GSG1L: variants seen among roughly 807,000 people sequenced by gnomAD.
GSG1L encodes GSG1 like.
In GSG1L, 24 loss-of-function variants were observed where a neutral mutation model predicts 42.1. That is an observed-to-expected ratio of 0.57 (90% CI 0.41 to 0.80). GSG1L has a LOEUF of 0.80. Among genes scored for constraint, GSG1L ranks in the 30% least tolerant of loss-of-function variants. The pLI, the probability that GSG1L is intolerant of heterozygous loss-of-function variation, is 0.00. For synonymous variants in GSG1L, 215 were observed against 203.5 expected (o/e 1.06, Z -0.48); for missense variants, 445 against 472.2 (o/e 0.94, Z 0.53).
chr16:27,935,460 A>C (rs1387095393), intron 2 of GSG1L, among the ~76,000 whole-genome samples: 1 of 152,084 alleles, frequency 6.6e-6, no homozygotes, highest in African/African-American at 2.4e-5. Flanking sequence ...CAAAATCTTA[A>C]ATGACCACTT....
At chr16:27,868,053 AC>A (rs1292029851) in intron 3 of GSG1L, among the ~76,000 whole-genome samples, 1 of 152,098 alleles carries the variant, frequency 6.6e-6, no homozygotes, top group Non-Finnish European at 1.5e-5. Context: ...TAAAATTCTT[AC>A]CTCTTCCCAC....
At chr16:27,868,192 A>G (rs1336784469) in intron 3 of GSG1L, among the ~76,000 whole-genome samples, 2 of 152,260 alleles carry the variant, frequency 1.3e-5, no homozygotes, top group Non-Finnish European at 2.9e-5. Flanking sequence ...GGCGGAATTT[A>G]AATTACTAAT....
chr16:27,993,291 G>A (rs1438073458), intron 1 of GSG1L, among the ~76,000 whole-genome samples: 2 of 152,098 alleles, frequency 1.3e-5, no homozygotes, highest in African/African-American at 4.8e-5. Context: ...CAGGACTACA[G>A]GCATGCACCA....
At chr16:27,882,612 G>T (rs1567502738) in intron 3 of GSG1L, among the ~76,000 whole-genome samples, 1 of 152,056 alleles carries the variant, frequency 6.6e-6, no homozygotes, top group Non-Finnish European at 1.5e-5. Flanking sequence ...CACCTGGAAT[G>T]CCCTCCTCAA....
chr16:27,891,629 C>T (rs1370500169), intron 2 of GSG1L, among the ~76,000 whole-genome samples: 1 of 152,024 alleles, frequency 6.6e-6, no homozygotes, highest in East Asian at 1.9e-4. Flanking sequence ...CTCACCACCA[C>T]AACCCACTAA....
Position 27,789,064 on chromosome 16 carries a change from A to G in GSG1L, c.*2306T>C, listed in dbSNP as rs2082722256. The G allele has an allele frequency of 1.3e-5, 2 of 152,302 alleles. No homozygotes were observed. Among genetic ancestry groups the G allele is most frequent in the Admixed American group, 1.3e-4 (2 of 15,286 alleles). The allele number at this position is 152,302 out of a possible 1,614,324, so 9.4% of individuals were successfully genotyped here. A position where few individuals can be genotyped will look rare whatever the true frequency, so the allele number is the denominator to read the frequency against. ...TGGTTGAGTAATGAGGATGTGTGAC[A>G]CATGGAAGGAGGATGGATGGAAGTC... On this transcript the variant is annotated 3_prime_UTR_variant, in exon 7 of 7. Transcript: ENST00000447459.
intron 2 of GSG1L, among the ~76,000 whole-genome samples, chr16:27,914,148 T>A (rs72782200): frequency 6.6e-6 from 1 of 151,922 alleles, no homozygotes; most frequent in South Asian, 2.1e-4. Flanking sequence ...TAAGTAATGA[T>A]GCAATTAGTA....
intron 5 of GSG1L, among the ~76,000 whole-genome samples, chr16:27,816,250 A>G (rs1338895740): frequency 6.6e-6 from 1 of 152,148 alleles, no homozygotes; most frequent in Non-Finnish European, 1.5e-5. Flanking sequence ...TGTCGCTGTC[A>G]TTGCCTCAGG....
intron 5 of GSG1L, among the ~76,000 whole-genome samples, chr16:27,810,797 C>T (rs1025724911): frequency 6.6e-5 from 10 of 152,096 alleles, no homozygotes; most frequent in African/African-American, 1.9e-4. Flanking sequence ...AAGCAATTCT[C>T]CTGCCTCAGC....
chr16:28,062,757 G>A (rs1024362015), intron 1 of GSG1L, among the ~76,000 whole-genome samples: 1 of 152,192 alleles, frequency 6.6e-6, no homozygotes, highest in Non-Finnish European at 1.5e-5. Flanking sequence ...AGCAGCGCGC[G>A]CCCCTCCGAC....
At chr16:27,986,493 G>A (rs10438535) in intron 1 of GSG1L, among the ~76,000 whole-genome samples, 103,687 of 146,666 alleles carry the variant, frequency 0.71, 36,790 homozygotes, top group South Asian at 0.89. Flanking sequence ...GCGACCGAGC[G>A]AGACTCCGCC....
intron 2 of GSG1L, among the ~76,000 whole-genome samples, chr16:27,891,075 G>C (rs1372576903): frequency 6.6e-6 from 1 of 152,136 alleles, no homozygotes. Flanking sequence ...GGCTGGACAT[G>C]CCGGGGGACG....
At chr16:27,882,920 A>G (rs150670008) in intron 3 of GSG1L, among the ~76,000 whole-genome samples, 413 of 152,294 alleles carry the variant, frequency 2.7e-3, no homozygotes, top group African/African-American at 9.2e-3. Context: ...AGCCTTGGCA[A>G]CATAGCAAGA....
At chr16:27,966,957 C>G (rs1407267639) in intron 1 of GSG1L, among the ~76,000 whole-genome samples, 1 of 152,168 alleles carries the variant, frequency 6.6e-6, no homozygotes, top group Non-Finnish European at 1.5e-5. Context: ...TGGTTTGCCA[C>G]AGTCCCCACC....
At chr16:27,908,025 C>T (rs1187073131) in intron 2 of GSG1L, among the ~76,000 whole-genome samples, 1 of 152,160 alleles carries the variant, frequency 6.6e-6, no homozygotes, top group Non-Finnish European at 1.5e-5. Flanking sequence ...TTCACCCTTC[C>T]TGTGTCTGTA....
At chr16:27,834,914 T>C (rs772793912) in intron 4 of GSG1L, among the ~76,000 whole-genome samples, 1 of 152,200 alleles carries the variant, frequency 6.6e-6, no homozygotes, top group Non-Finnish European at 1.5e-5. Flanking sequence ...TCAATTGTAT[T>C]GATTTTTGCT....
intron 2 of GSG1L, among the ~76,000 whole-genome samples, chr16:27,915,535 C>T (rs546225723): frequency 6.6e-6 from 1 of 152,194 alleles, no homozygotes; most frequent in African/African-American, 2.4e-5. Context: ...ACTCAAGCCA[C>T]AAGTATTTAC....
intron 1 of GSG1L, among the ~76,000 whole-genome samples, chr16:27,982,567 G>A (rs2085337506): frequency 6.6e-6 from 1 of 152,130 alleles, no homozygotes; most frequent in East Asian, 1.9e-4. Context: ...TAGTCCCCTG[G>A]GTTAGTCTAT....
intron 2 of GSG1L, among the ~76,000 whole-genome samples, chr16:27,940,383 G>GGA (rs2084775621): frequency 6.9e-6 from 1 of 144,510 alleles, no homozygotes; most frequent in East Asian, 2.0e-4. Context: ...AAATCATGCT[G>GGA]CTATAAAGAC....
Sources: allele counts gnomAD v4.1 joint callset (sites outside exome capture counted in the v4.1 genomes callset), GRCh38; gene constraint gnomAD v4.1.1; transcripts MANE v1.5; gene names NCBI Gene and HGNC (gene_info 2026-07-23, HGNC 2026-07-21).